The following MMD variants were observed in gnomAD, a reference collection of about 807,000 sequenced individuals.
MMD encodes the protein monocyte to macrophage differentiation associated.
MMD carries 22 observed loss-of-function variants against 33.6 expected under a neutral mutation model. The observed-to-expected ratio is 0.66, with a 90% CI of 0.47 to 0.94. MMD has a LOEUF of 0.94. MMD is among the 40% of genes least tolerant of loss of function. MMD has a pLI of 0.00. For synonymous variants in MMD, 97 were observed against 103.2 expected (o/e 0.94, Z 0.36); for missense variants, 242 against 309.8 (o/e 0.78, Z 1.64).
intron 2 of MMD, among the ~76,000 whole-genome samples, chr17:55,412,784 C>T (rs1324844000): frequency 1.3e-5 from 2 of 152,136 alleles, no homozygotes; most frequent in Non-Finnish European, 2.9e-5. Context: ...CTATGGCTCG[C>T]CTTCCTATTT....
chr17:55,394,852 T>C (rs1173386782), intron 6 of MMD, among the ~76,000 whole-genome samples: 1 of 152,272 alleles, frequency 6.6e-6, no homozygotes, highest in Non-Finnish European at 1.5e-5. Flanking sequence ...TTCATTTTAA[T>C]AAAGTGCAAT....
At chr17:55,408,644 T>G (rs1298719270) in intron 3 of MMD, among the ~76,000 whole-genome samples, 1 of 152,130 alleles carries the variant, frequency 6.6e-6, no homozygotes, top group East Asian at 1.9e-4. Context: ...TAGACTTTCC[T>G]CCCCCTACAC....
rs1469469000 is a variant in MMD, at chr17:55,401,452, C to T, written c.516+17G>A. On this transcript the variant is annotated intron_variant, in intron 6 of 6. Coordinates refer to ENST00000262065, the MANE Select transcript of MMD (RefSeq NM_012329.3). ...AGCTTAAAAGAAAATAACTAAAATT[C>T]TGAAGCCATGTCTTACCATTGATGT... The T allele has an allele frequency of 1.3e-6, 2 of 1,580,398 alleles. No individual in the cohort carries two copies. The highest frequency in any genetic ancestry group is 4.5e-5 in the East Asian group (2 of 44,528).
chr17:55,400,556 G>A (rs115819209), intron 6 of MMD, among the ~76,000 whole-genome samples: 332 of 144,514 alleles, frequency 2.3e-3, no homozygotes, highest in Non-Finnish European at 2.8e-3. Context: ...TCAAAAAAAA[G>A]AAAAAAAAAA....
chr17:55,410,547 C>T (rs761848212), intron 3 of MMD, among the ~76,000 whole-genome samples: 2 of 152,316 alleles, frequency 1.3e-5, no homozygotes, highest in Non-Finnish European at 1.5e-5. Context: ...ACGTTCTTCT[C>T]ATTGGCAGGC....
Position 55,394,193 on chromosome 17 carries a change from T to C in MMD, c.*141A>G, listed in dbSNP as rs896280193. On this transcript the variant is annotated 3_prime_UTR_variant, in exon 7 of 7. Coordinates refer to ENST00000262065, the MANE Select transcript of MMD (RefSeq NM_012329.3). Reference sequence around the variant, plus strand: ...AGAAAATTCCAGAACACAGCCTTTATACTTTCACAGTAATTATATTCAAAA... The same window carrying C: ...AGAAAATTCCAGAACACAGCCTTTACACTTTCACAGTAATTATATTCAAAA... 9.5e-6 allele frequency: 6 copies of C among 633,420 alleles called. No homozygotes were observed. Among genetic ancestry groups the C allele is most frequent in the African/African-American group, 1.9e-5 (1 of 53,202 alleles). 39.2% of individuals were successfully genotyped at this position (633,420 alleles called of 1,614,324 possible). A position where few individuals can be genotyped will look rare whatever the true frequency, so the allele number is the denominator to read the frequency against.
chr17:55,415,448 A>G (rs1907930843), intron 1 of MMD, among the ~76,000 whole-genome samples: 1 of 152,172 alleles, frequency 6.6e-6, no homozygotes. Context: ...GCCACTAATG[A>G]GTTCTAACTA....
chr17:55,395,900 C>T (rs929745612), intron 6 of MMD, among the ~76,000 whole-genome samples: 7 of 152,268 alleles, frequency 4.6e-5, no homozygotes, highest in Non-Finnish European at 7.4e-5. Flanking sequence ...TCATCAGATT[C>T]GCAAAGGGGC....
chr17:55,395,124 G>C lies in MMD; in HGVS notation c.517-590C>G, dbSNP rs3785616. Among the ~76,000 whole-genome samples, 6 of 152,200 alleles carry C rather than the reference G, an allele frequency of 3.9e-5. 1 individual carries two copies. The East Asian group carries it at 1.2e-3, about 29-fold the overall frequency. ...GTACAAGATATTTCCTAGCCTTCTA[G>C]ATGTCTCCAGGCCTTTTTGTATTCG... On this transcript the variant is annotated intron_variant, in intron 6 of 6. Transcript: ENST00000262065.
At position 55,421,821 on chromosome 17, in the gene MMD, G is replaced by A; in HGVS notation, c.-126C>T. The stretch of plus-strand genomic sequence containing the variant: ...GCGTGTCCAGCGGAACCCTTCGGCC[G>A]GGTAGGGTCGGAGTGGGCCAGGCCG... On this transcript the variant is annotated 5_prime_UTR_variant, in exon 1 of 7. Transcript: ENST00000262065. The A allele has an allele frequency of 8.6e-7, 1 of 1,162,990 alleles. No individual in the cohort carries two copies. Among genetic ancestry groups the A allele is most frequent in the Non-Finnish European group, 1.2e-6 (1 of 857,738 alleles). 72.0% of individuals were successfully genotyped at this position (1,162,990 alleles called of 1,614,324 possible).
At chr17:55,421,244 C>T (rs1173947605) in intron 1 of MMD, among the ~76,000 whole-genome samples, 1 of 152,262 alleles carries the variant, frequency 6.6e-6, no homozygotes, top group African/African-American at 2.4e-5. Context: ...GGGAGACCCC[C>T]ACCCTGGAGG....
Position 55,403,843 on chromosome 17 carries a change from G to A in MMD, c.370C>T (p.Leu124=). ...ATAAACCAACGCATATGAGATGCCA[G>A]GGGTCCAAGTTCACGAAGATTTAAC... ...PWLNLRELGP[L]ASHMRWFIWL... Residue 124 remains leucine, a synonymous_variant, in exon 5 of 7, where the codon CTG becomes TTG. Coordinates refer to ENST00000262065, the MANE Select transcript of MMD (RefSeq NM_012329.3). The A allele has an allele frequency of 6.2e-7, 1 of 1,613,502 alleles. No homozygotes were observed. Among genetic ancestry groups the A allele is most frequent in the Non-Finnish European group, 8.5e-7 (1 of 1,179,716 alleles).
intron 2 of MMD, 50 bp from the exon 3 acceptor site, chr17:55,411,467 A>G: frequency 6.5e-7 from 1 of 1,540,010 alleles, no homozygotes; most frequent in South Asian, 1.2e-5. Context: ...CTTTTATGGA[A>G]TTGAGTCTTT....
intron 1 of MMD, among the ~76,000 whole-genome samples, chr17:55,420,738 A>G (rs1429780932): frequency 6.6e-6 from 1 of 152,218 alleles, no homozygotes; most frequent in Non-Finnish European, 1.5e-5. Flanking sequence ...GGGAATTCAC[A>G]CAAAGGGATG....
intron 6 of MMD, among the ~76,000 whole-genome samples, chr17:55,397,501 T>C (rs1907146976): frequency 6.6e-6 from 1 of 151,964 alleles, no homozygotes. Flanking sequence ...TTTTTTCCTT[T>C]CCGCATTTTA....
chr17:55,407,490 A>T lies in MMD; in HGVS notation c.344+256T>A, dbSNP rs79528155. Among the ~76,000 whole-genome samples, 806 of 152,308 alleles carry T rather than the reference A, an allele frequency of 5.3e-3. 9 individuals are homozygous for T. The highest frequency in any genetic ancestry group is 0.019 in the African/African-American group (785 of 41,560). ...TCAAGAGTGAGCAAGCTATCTGCAC[A>T]CAAGTTCATAGCACTTCTTGAACAA... is the stretch of plus-strand genomic sequence containing the variant. On this transcript the variant is annotated intron_variant, in intron 4 of 6. Transcript: ENST00000262065.
intron 6 of MMD, among the ~76,000 whole-genome samples, chr17:55,397,167 A>C (rs1301914423): frequency 6.6e-6 from 1 of 151,808 alleles, no homozygotes; most frequent in Non-Finnish European, 1.5e-5. Context: ...TGGTTTATTT[A>C]TTTATTTATT....
In MMD at chr17:55,394,428, C is replaced by A; in HGVS notation, c.623G>T (p.Trp208Leu). The A allele has an allele frequency of 6.6e-7, 1 of 1,520,050 alleles. No homozygotes were observed. Among genetic ancestry groups the A allele is most frequent in the South Asian group, 1.3e-5 (1 of 76,006 alleles). 94.2% of individuals were successfully genotyped at this position (1,520,050 alleles called of 1,614,324 possible). ...DGIIPFAHAIWHLFVATAAAV... is the reference protein window; with the variant it reads ...DGIIPFAHAILHLFVATAAAV... ...AGCTGCCGTGGCCACAAACAGGTGCCAGATGGCGTGGGCAAATGGAATGAT... is the reference window on the plus strand; with the variant it reads ...AGCTGCCGTGGCCACAAACAGGTGCAAGATGGCGTGGGCAAATGGAATGAT... The change falls in exon 7 of 7, where the codon TGG becomes TTG. Residue 208 changes from tryptophan (W) to leucine (L), a missense_variant. Physicochemically the swap from Trp to Leu is moderately conservative, Grantham distance 61. Coordinates refer to ENST00000262065, the MANE Select transcript of MMD (RefSeq NM_012329.3).
intron 4 of MMD, chr17:55,404,595 A>G: frequency 2.0e-6 from 2 of 985,272 alleles, no homozygotes; most frequent in African/African-American, 3.5e-5. Context: ...GTGGATACCT[A>G]ATACACAAAC....
Sources: gnomAD v4.1 joint callset for allele counts (sites outside exome capture counted in the v4.1 genomes callset) on GRCh38, gnomAD v4.1.1 for gene constraint, MANE v1.5 for transcripts, NCBI Gene and HGNC (gene_info 2026-07-23, HGNC 2026-07-21) for gene names.